STEAP2: variants seen among roughly 807,000 people sequenced by gnomAD.
The protein encoded by STEAP2 is metalloreductase STEAP2.
A neutral mutation model predicts 46.4 loss-of-function variants in STEAP2; 30 were observed. The observed-to-expected ratio is 0.65, with a 90% CI of 0.48 to 0.88. The LOEUF (loss-of-function observed/expected upper bound fraction) is 0.88. Ranked by LOEUF, STEAP2 falls within the 40% of genes least tolerant of loss-of-function variation. STEAP2 has a pLI of 0.00. For missense variants in STEAP2, 513 were observed against 579.3 expected (o/e 0.89, Z 1.18); for synonymous variants, 180 against 200.5 (o/e 0.90, Z 0.86).
rs762922412 is a variant in STEAP2 at position 90,229,945 on chromosome 7, T to C, written c.1094T>C (p.Ile365Thr). The C allele has an allele frequency of 3.1e-6, 5 of 1,613,660 alleles. No individual in the cohort carries two copies. The highest frequency in any genetic ancestry group is 3.4e-6 in the Non-Finnish European group (4 of 1,179,612). Residue 365 changes from isoleucine (I) to threonine (T), a missense_variant, in exon 5 of 6, where the codon ATA becomes ACA. Coordinates refer to ENST00000394621, the MANE Select transcript of STEAP2 (RefSeq NM_001244944.2). Reference sequence around the variant, plus strand: ...ATTGAAATGTATATCTCCTTTGGCATAATGAGCCTTGGCTTACTTTCCCTC... The same window carrying C: ...ATTGAAATGTATATCTCCTTTGGCACAATGAGCCTTGGCTTACTTTCCCTC... ...WRIEMYISFG[I>T]MSLGLLSLLA...
Position 90,237,059 on chromosome 7 carries a change from G to A in STEAP2, c.*4435G>A. ...GTGAGATGAAGTCTCCTCAAAGGAA[G>A]GCAGCATGTGTCCTTTTTCATCCCT... On this transcript the variant is annotated 3_prime_UTR_variant, in exon 6 of 6. Transcript: ENST00000394621. 1 of 1,161,716 alleles carries A rather than the reference G, an allele frequency of 8.6e-7. No individual in the cohort carries two copies. The highest frequency in any genetic ancestry group is 1.2e-6 in the Non-Finnish European group (1 of 804,446). 72.0% of individuals were successfully genotyped at this position (1,161,716 alleles called of 1,614,324 possible).
intron 3 of STEAP2, 148 bp downstream of exon 3, chr7:90,225,722 T>G: frequency 2.1e-6 from 2 of 950,658 alleles, no homozygotes; most frequent in Non-Finnish European, 3.0e-6. Context: ...ATTAATGTCC[T>G]GACCTTGTAA....
chr7:90,220,961 T>C (rs916964410), intron 2 of STEAP2, among the ~76,000 whole-genome samples: 14 of 152,180 alleles, frequency 9.2e-5, no homozygotes, highest in Admixed American at 7.2e-4. Context: ...TGACTTCTAG[T>C]TTTATTCCAT....
intron 1 of STEAP2, among the ~76,000 whole-genome samples, chr7:90,214,872 C>T (rs1794953246): frequency 6.6e-6 from 1 of 152,126 alleles, no homozygotes; most frequent in Non-Finnish European, 1.5e-5. Context: ...GGCAAAAATT[C>T]ATTGTCTCCA....
At chr7:90,221,304 CTGT>C (rs1262302764) in intron 2 of STEAP2, among the ~76,000 whole-genome samples, 3 of 152,028 alleles carry the variant, frequency 2.0e-5, no homozygotes, top group African/African-American at 2.4e-5. Flanking sequence ...TCTGAGTGGT[CTGT>C]TGTTGGGTGT....
chr7:90,217,836 A>G (rs1430602726), intron 2 of STEAP2, among the ~76,000 whole-genome samples: 1 of 152,132 alleles, frequency 6.6e-6, no homozygotes, highest in African/African-American at 2.4e-5. Context: ...CTTTTGAGAA[A>G]CAACCCCTAT....
chr7:90,232,337 T>G lies in STEAP2; in HGVS notation c.1186T>G (p.Ser396Ala). Residue 396 changes from serine to alanine, a missense_variant and splice_region_variant, in exon 6 of 6, where the codon TCT becomes GCT. Physicochemically the swap from Ser to Ala is moderately conservative, Grantham distance 99. Transcript: ENST00000394621. ...CTTTTCCTTCCTCTCCTGGCCCAAGTCTACACTTGGATATGTCGCTCTGCT... is the reference window on the plus strand; with the variant it reads ...CTTTTCCTTCCTCTCCTGGCCCAAGGCTACACTTGGATATGTCGCTCTGCT... ...LNWREFSFIQSTLGYVALLIS... is the reference protein window; with the variant it reads ...LNWREFSFIQATLGYVALLIS... 1 of 1,590,494 alleles carries G rather than the reference T, an allele frequency of 6.3e-7. No homozygotes were observed. Among genetic ancestry groups the G allele is most frequent in the Non-Finnish European group, 8.6e-7 (1 of 1,166,556 alleles).
intron 2 of STEAP2, among the ~76,000 whole-genome samples, chr7:90,218,605 T>C (rs1035188628): frequency 6.6e-6 from 1 of 152,202 alleles, no homozygotes; most frequent in East Asian, 1.9e-4. Flanking sequence ...TTGTGGATTA[T>C]CTAATCTGTT....
rs756973573 is a variant in STEAP2 at position 90,233,247 on chromosome 7, G to T, written c.*623G>T. 6.4e-6 allele frequency: 6 copies of T among 937,530 alleles called. No homozygotes were observed. The highest frequency in any genetic ancestry group is 7.6e-6 in the Non-Finnish European group (6 of 786,460). 58.1% of individuals were successfully genotyped at this position (937,530 alleles called of 1,614,324 possible). A position where few individuals can be genotyped will look rare whatever the true frequency, so the allele number is the denominator to read the frequency against. Reference sequence around the variant, plus strand: ...CTGAAATTATATTTAAAATATATTTGAGACATGAAATACATACTGATAATA... The same window carrying T: ...CTGAAATTATATTTAAAATATATTTTAGACATGAAATACATACTGATAATA... On this transcript the variant is annotated 3_prime_UTR_variant, in exon 6 of 6. Transcript: ENST00000394621.
downstream of STEAP2, among the ~76,000 whole-genome samples, chr7:90,238,866 C>T (rs1395220202): frequency 2.0e-5 from 3 of 152,226 alleles, no homozygotes; most frequent in Non-Finnish European, 2.9e-5. Flanking sequence ...TTTGTTGAGA[C>T]CCCTGAGAGT....
downstream of STEAP2, among the ~76,000 whole-genome samples, chr7:90,242,351 A>T (rs1350090971): frequency 6.6e-6 from 1 of 152,198 alleles, no homozygotes; most frequent in Non-Finnish European, 1.5e-5. Flanking sequence ...CCAGTGAGGA[A>T]GGTGCCTGTC....
In STEAP2 at chr7:90,236,019, G is replaced by A. The variant is rs10441221; in HGVS notation, c.*3395G>A. On this transcript the variant is annotated 3_prime_UTR_variant, in exon 6 of 6. Coordinates refer to ENST00000394621, the MANE Select transcript of STEAP2 (RefSeq NM_001244944.2). The stretch of plus-strand genomic sequence containing the variant: ...AAAATTAATCTGATAATAGTAACAA[G>A]GTATATTATACTTTCATTACAATCA... The A allele has an allele frequency of 2.1e-3, 1,837 of 883,746 alleles. 37 individuals are homozygous for A. In the African/African-American group the frequency reaches 0.031, roughly 15 times the overall value. The allele number at this position is 883,746 out of a possible 1,614,324, so 54.7% of individuals were successfully genotyped here.
At chr7:90,230,057 T>C in intron 5 of STEAP2, 21 bp downstream of exon 5, 1 of 1,608,744 alleles carries the variant, frequency 6.2e-7, no homozygotes, top group South Asian at 1.1e-5. Flanking sequence ...TTTTGTTTGG[T>C]GAAGGATTGT....
intron 5 of STEAP2, among the ~76,000 whole-genome samples, chr7:90,230,478 G>T (rs1312349773): frequency 3.9e-5 from 6 of 151,904 alleles, no homozygotes; most frequent in African/African-American, 1.5e-4. Flanking sequence ...TTAAAGAAAT[G>T]TGTGTATATA....
rs925278902 is a variant in STEAP2, at chr7:90,234,620, G to A, written c.*1996G>A. Reference sequence around the variant, plus strand: ...GGCTGGAGTGCAGTGGCACGATCTCGGCTCACTGCAAGCTCTGCCTCCCGG... The same window carrying A: ...GGCTGGAGTGCAGTGGCACGATCTCAGCTCACTGCAAGCTCTGCCTCCCGG... On this transcript the variant is annotated 3_prime_UTR_variant, in exon 6 of 6. Coordinates refer to ENST00000394621, the MANE Select transcript of STEAP2 (RefSeq NM_001244944.2). 6.7e-5 allele frequency: 53 copies of A among 787,248 alleles called. No individual in the cohort carries two copies. Among genetic ancestry groups the A allele is most frequent in the African/African-American group, 1.2e-4 (6 of 51,334 alleles). 48.8% of individuals were successfully genotyped at this position (787,248 alleles called of 1,614,324 possible).
At chr7:90,220,333 T>C (rs1265736152) in intron 2 of STEAP2, among the ~76,000 whole-genome samples, 1 of 152,184 alleles carries the variant, frequency 6.6e-6, no homozygotes, top group East Asian at 1.9e-4. Context: ...GTCCAGGTTT[T>C]CCATTTCTTC....
intron 1 of STEAP2, among the ~76,000 whole-genome samples, chr7:90,215,015 A>G (rs1794959219): frequency 6.6e-6 from 1 of 152,178 alleles, no homozygotes; most frequent in African/African-American, 2.4e-5. Context: ...CAGAGTCTGC[A>G]GTCATAAGGA....
intron 1 of STEAP2, among the ~76,000 whole-genome samples, chr7:90,214,992 A>G (rs194508): frequency 0.9 from 136,244 of 152,210 alleles, 61,213 homozygotes; most frequent in East Asian, 1. Flanking sequence ...ATGACCATGT[A>G]TATACTGGGA....
chr7:90,232,835 T>G lies in STEAP2; in HGVS notation c.*211T>G. 1 of 1,241,148 alleles carries G rather than the reference T, an allele frequency of 8.1e-7. No homozygotes were observed. Among genetic ancestry groups the G allele is most frequent in the Non-Finnish European group, 1.0e-6 (1 of 988,412 alleles). The allele number at this position is 1,241,148 out of a possible 1,614,324, so 76.9% of individuals were successfully genotyped here. On this transcript the variant is annotated 3_prime_UTR_variant, in exon 6 of 6. Transcript: ENST00000394621. ...TGAATTTTTCTAGTCAACATATTAT[T>G]GTAATTTAGGTATGTTTTGTTTTGT...
Sources: allele counts gnomAD v4.1 joint callset (sites outside exome capture counted in the v4.1 genomes callset), GRCh38; gene constraint gnomAD v4.1.1; transcripts MANE v1.5; gene names NCBI Gene and HGNC (gene_info 2026-07-23, HGNC 2026-07-21).